CDC20B: variants seen among roughly 807,000 people sequenced by gnomAD.
CDC20B encodes the protein cell division cycle protein 20 homolog B.
A neutral mutation model predicts 64.1 loss-of-function variants in CDC20B; 58 were observed. The ratio of observed to expected loss-of-function variants is 0.90; its 90% CI spans 0.73 to 1.13. The LOEUF is 1.13. Among genes scored for constraint, CDC20B ranks in the 50% most tolerant of loss-of-function variants. The probability of loss-of-function intolerance (pLI) is 0.00; values close to 1 mark genes in which losing one functional copy is unlikely to be tolerated. For missense variants in CDC20B, 597 were observed against 633.0 expected (o/e 0.94, Z 0.61); for synonymous variants, 243 against 230.6 (o/e 1.05, Z -0.49).
In CDC20B at chr5:55,124,890, A is replaced by T; in HGVS notation, c.1128T>A (p.Asp376Glu). ...DGRLLSSGCS[D>E]GLLTIWPHDP... ...CGTGGGGCCATATTGTCAGCAGTCC[A>T]TCACTGCAGCCGCTGGAAAGCAGCC... The change falls in exon 9 of 12, where the codon GAT becomes GAA. Residue 376 changes from aspartate to glutamate, a missense_variant. Physicochemically the swap from Asp to Glu is conservative, Grantham distance 45. This residue lies in a region of CDC20B where 353 missense variants were observed against 397.0 expected (regional missense o/e 0.89). Transcript: ENST00000381375. 6.2e-7 allele frequency: 1 copy of T among 1,614,196 alleles called. No homozygotes were observed. Among genetic ancestry groups the T allele is most frequent in the East Asian group, 2.2e-5 (1 of 44,874 alleles).
At chr5:55,121,754 T>G (rs1428525056) in intron 9 of CDC20B, among the ~76,000 whole-genome samples, 1 of 152,238 alleles carries the variant, frequency 6.6e-6, no homozygotes, top group African/African-American at 2.4e-5. Context: ...TTACATCTAG[T>G]GAAATTAAAA....
chr5:55,136,557 T>A (rs1164239194), intron 5 of CDC20B: 10 of 136,494 alleles, frequency 7.3e-5, no homozygotes, highest in African/African-American at 2.5e-4. Context: ...AGACTTCATC[T>A]CAAAAAAAAA....
chr5:55,169,971 G>C (rs183911473), intron 2 of CDC20B, among the ~76,000 whole-genome samples: 6 of 152,092 alleles, frequency 3.9e-5, no homozygotes, highest in Admixed American at 3.3e-4. Flanking sequence ...AAAATTAGCC[G>C]GGCATGGTAG....
chr5:55,164,077 G>T (rs765711152), intron 2 of CDC20B: 15 of 1,592,348 alleles, frequency 9.4e-6, no homozygotes, highest in Non-Finnish European at 1.3e-5. Flanking sequence ...AGGAACCAAG[G>T]TGGAATTTTT....
rs144412288 is a variant in CDC20B at position 55,128,468 on chromosome 5, T to C, written c.847A>G (p.Lys283Glu). The C allele has an allele frequency of 1.8e-4, 293 of 1,608,316 alleles. No homozygotes were observed. Among genetic ancestry groups the C allele is most frequent in the Non-Finnish European group, 2.1e-4 (249 of 1,178,606 alleles). ...CNYISSVSWI[K>E]EGTCLAVGTS... is the part of the protein sequence containing the mutation. ...CCAACTGCCAGGCAAGTTCCCTCTT[T>C]TATCCAGGACACAGAAGAGATATAG... is the stretch of plus-strand genomic sequence containing the variant. The change falls in exon 7 of 12, where the codon AAA becomes GAA. Residue 283 changes from lysine to glutamate, a missense_variant. By Grantham distance (56) the Lys-to-Glu change is moderately conservative. This residue lies in a region of CDC20B where 353 missense variants were observed against 397.0 expected (regional missense o/e 0.89). Coordinates refer to ENST00000381375, the MANE Select transcript of CDC20B (RefSeq NM_001170402.1).
At chr5:55,123,634 T>C (rs1742808239) in intron 9 of CDC20B, among the ~76,000 whole-genome samples, 1 of 152,168 alleles carries the variant, frequency 6.6e-6, no homozygotes, top group Non-Finnish European at 1.5e-5. Flanking sequence ...GGAGACTCTC[T>C]CTTAGTGAAA....
chr5:55,129,908 A>G (rs1742986323), intron 6 of CDC20B, among the ~76,000 whole-genome samples: 1 of 152,260 alleles, frequency 6.6e-6, no homozygotes, highest in Admixed American at 6.5e-5. Context: ...TGACTATAAC[A>G]TAACATCTAC....
intron 11 of CDC20B, among the ~76,000 whole-genome samples, chr5:55,119,310 C>G (rs1561284696): frequency 6.6e-6 from 1 of 152,220 alleles, no homozygotes; most frequent in East Asian, 1.9e-4. Flanking sequence ...TGCTCCCCAT[C>G]ATGGGGTCTT....
chr5:55,139,971 G>A (rs773063267), intron 5 of CDC20B, among the ~76,000 whole-genome samples: 10 of 152,098 alleles, frequency 6.6e-5, no homozygotes, highest in Non-Finnish European at 1.3e-4. Flanking sequence ...AGGTTGCAGT[G>A]AGCCAAGATC....
chr5:55,123,623 C>T lies in CDC20B; in HGVS notation c.1215+1180G>A, dbSNP rs146140375. Among the ~76,000 whole-genome samples, 333 of 152,214 alleles carry T rather than the reference C, an allele frequency of 2.2e-3. 3 individuals are homozygous for T. Among genetic ancestry groups the T allele is most frequent in the African/African-American group, 7.6e-3 (315 of 41,522 alleles). Reference sequence around the variant, plus strand: ...AGGAGGCTTGGCTTGCTCTGGTTTCCGGAGACTCTCTCTTAGTGAAAAGGA... The same window carrying T: ...AGGAGGCTTGGCTTGCTCTGGTTTCTGGAGACTCTCTCTTAGTGAAAAGGA... On this transcript the variant is annotated intron_variant, in intron 9 of 11. Coordinates refer to ENST00000381375, the MANE Select transcript of CDC20B (RefSeq NM_001170402.1).
intron 11 of CDC20B, among the ~76,000 whole-genome samples, chr5:55,118,555 C>G (rs762286789): frequency 6.6e-6 from 1 of 152,180 alleles, no homozygotes; most frequent in Non-Finnish European, 1.5e-5. Flanking sequence ...GAAGGCCATA[C>G]CTAGCTGCTG....
At chr5:55,140,490 A>C in intron 4 of CDC20B, 83 bp from the exon 5 acceptor site, 12 of 852,822 alleles carry the variant, frequency 1.4e-5, no homozygotes, top group East Asian at 2.8e-5. Flanking sequence ...ATAGAATTAC[A>C]ACTGGTAATT....
Position 55,143,652 on chromosome 5 carries a change from A to G in CDC20B, c.356-9T>C, listed in dbSNP as rs1316107846. 2 of 1,571,460 alleles carry G rather than the reference A, an allele frequency of 1.3e-6. No individual in the cohort carries two copies. The highest frequency in any genetic ancestry group is 4.5e-5 in the East Asian group (2 of 44,390). On this transcript the variant is annotated splice_polypyrimidine_tract_variant and intron_variant, in intron 3 of 11. Coordinates refer to ENST00000381375, the MANE Select transcript of CDC20B (RefSeq NM_001170402.1). ...TTGTTCTTTGCGGGATCCTACAAGAAAGACATTTATCTTTGAATTTGGTTT... is the reference window on the plus strand; with the variant it reads ...TTGTTCTTTGCGGGATCCTACAAGAGAGACATTTATCTTTGAATTTGGTTT...
chr5:55,123,355 G>T lies in CDC20B; in HGVS notation c.1215+1448C>A, dbSNP rs559157774. On this transcript the variant is annotated intron_variant, in intron 9 of 11. Coordinates refer to ENST00000381375, the MANE Select transcript of CDC20B (RefSeq NM_001170402.1). Reference sequence around the variant, plus strand: ...CTCAGAAATTCCCCTGAGCCCATGGGCCCCAGTTTTACCATATGATGGATA... The same window carrying T: ...CTCAGAAATTCCCCTGAGCCCATGGTCCCCAGTTTTACCATATGATGGATA... 7.2e-5 allele frequency among the ~76,000 whole-genome samples: 11 copies of T among 152,130 alleles called. No homozygotes were observed. In the South Asian group the frequency reaches 1.2e-3, roughly 17 times the overall value.
chr5:55,154,821 A>C (rs1269918771), intron 2 of CDC20B, among the ~76,000 whole-genome samples: 1 of 152,166 alleles, frequency 6.6e-6, no homozygotes, highest in Non-Finnish European at 1.5e-5. Flanking sequence ...TCCTTAGAAA[A>C]ATTAATTTTA....
chr5:55,125,544 AAAG>A (rs1359149400), intron 8 of CDC20B, among the ~76,000 whole-genome samples: 1 of 152,226 alleles, frequency 6.6e-6, no homozygotes, highest in Non-Finnish European at 1.5e-5. Context: ...CTTCTTTGTA[AAAG>A]AAGTTTAAAA....
chr5:55,163,945 C>A, intron 2 of CDC20B: 1 of 756,014 alleles, frequency 1.3e-6, no homozygotes, highest in Non-Finnish European at 2.0e-6. Context: ...TATATTATGA[C>A]AGTCCTAGAA....
intron 2 of CDC20B, among the ~76,000 whole-genome samples, chr5:55,155,892 A>G (rs1743793580): frequency 1.3e-5 from 2 of 152,158 alleles, no homozygotes; most frequent in Admixed American, 1.3e-4. Flanking sequence ...GGTGTTCTCC[A>G]TGCCTTCCCC....
chr5:55,143,509 C>G lies in CDC20B; in HGVS notation c.486+4G>C. The G allele has an allele frequency of 6.3e-7, 1 of 1,582,792 alleles. No homozygotes were observed. Among genetic ancestry groups the G allele is most frequent in the Non-Finnish European group, 8.6e-7 (1 of 1,167,204 alleles). On this transcript the variant is annotated splice_donor_region_variant and intron_variant, in intron 4 of 11. Coordinates refer to ENST00000381375, the MANE Select transcript of CDC20B (RefSeq NM_001170402.1). Reference sequence around the variant, plus strand: ...GGATCTTCAGTTTTTTTCTCTTTACCTACCTGCCCTTTTGAGGCAACACTT... The same window carrying G: ...GGATCTTCAGTTTTTTTCTCTTTACGTACCTGCCCTTTTGAGGCAACACTT...
Sources: allele counts gnomAD v4.1 joint callset (sites outside exome capture counted in the v4.1 genomes callset), GRCh38; gene constraint gnomAD v4.1.1; regional missense constraint gnomAD v4.1.1; transcripts MANE v1.5; gene names NCBI Gene and HGNC (gene_info 2026-07-23, HGNC 2026-07-21).